ARPC2: variants seen among roughly 807,000 people sequenced by gnomAD.
ARPC2 encodes actin related protein 2/3 complex subunit 2, also known as actin-related protein 2/3 complex subunit 2.
Under a neutral mutation model 38.6 loss-of-function variants are expected in ARPC2, and 4 were observed. The observed-to-expected ratio is 0.10, with a 90% confidence interval of 0.05 to 0.24. The LOEUF (loss-of-function observed/expected upper bound fraction) is 0.24. Among genes scored for constraint, ARPC2 ranks in the 10% least tolerant of loss-of-function variants. The probability of loss-of-function intolerance (pLI) is 1.00; values close to 1 mark genes in which losing one functional copy is unlikely to be tolerated. For missense variants in ARPC2, 229 were observed against 387.3 expected (o/e 0.59, Z 3.43); for synonymous variants, 125 against 140.8 (o/e 0.89, Z 0.79).
At chr2:218,234,228 C>A in intron 4 of ARPC2, 124 bp from the exon 5 acceptor site, 1 of 694,334 alleles carries the variant, frequency 1.4e-6, no homozygotes, top group South Asian at 2.1e-5. Context: ...TCCCATCCAC[C>A]AAATGAAAGT....
rs554931419 is a variant in ARPC2, at chr2:218,252,223, C to CA, written c.879-1658dup. ...GAGCAACAAGAGCGAAACTCCATCTCAAAAAAAAAAGCACTTTTTAAGTCA... is the reference window on the plus strand; with the variant it reads ...GAGCAACAAGAGCGAAACTCCATCTCAAAAAAAAAAAGCACTTTTTAAGTCA... On this transcript the variant is annotated intron_variant, in intron 10 of 10. Coordinates refer to ENST00000315717, the MANE Select transcript of ARPC2 (RefSeq NM_152862.3). Among the ~76,000 whole-genome samples the CA allele has an allele frequency of 1.3e-4, 19 of 147,360 alleles. No individual in the cohort carries two copies. The South Asian group carries it at 1.9e-3, about 15-fold the overall frequency.
At position 218,249,349 on chromosome 2, in the gene ARPC2, GTC is replaced by G. The variant is rs777303160; in HGVS notation, c.677-13_677-12del. On this transcript the variant is annotated splice_polypyrimidine_tract_variant and intron_variant, in intron 8 of 10. Transcript: ENST00000315717. The stretch of plus-strand genomic sequence containing the variant: ...TGTCGTGTCCTGACGCCTTGTTTGT[GTC>G]TTCCGCCTTCAGTGCTGTTCCCTCG... The G allele has an allele frequency of 5.0e-6, 8 of 1,595,758 alleles. No homozygotes were observed. The highest frequency in any genetic ancestry group is 1.7e-4 in the Middle Eastern group (1 of 6,052).
intron 5 of ARPC2, among the ~76,000 whole-genome samples, chr2:218,237,693 A>G (rs979660422): frequency 1.3e-5 from 2 of 151,826 alleles, no homozygotes; most frequent in African/African-American, 4.8e-5. Flanking sequence ...CAGCCTCCCA[A>G]GTAGCTAGGA....
At chr2:218,248,914 T>C (rs1314862391) in intron 8 of ARPC2, among the ~76,000 whole-genome samples, 1 of 152,238 alleles carries the variant, frequency 6.6e-6, no homozygotes, top group East Asian at 1.9e-4. Flanking sequence ...CTCTGGCATC[T>C]GTTTTCTGGG....
chr2:218,222,152 A>T (rs920081040), intron 2 of ARPC2, among the ~76,000 whole-genome samples: 1 of 152,182 alleles, frequency 6.6e-6, no homozygotes, highest in Non-Finnish European at 1.5e-5. Context: ...CTGTAATCCC[A>T]GCTACTCAGG....
chr2:218,245,898 G>A (rs372434826), intron 8 of ARPC2, among the ~76,000 whole-genome samples: 9 of 152,174 alleles, frequency 5.9e-5, no homozygotes, highest in African/African-American at 1.9e-4. Flanking sequence ...TAGGTTGCTG[G>A]TTCGATTCCA....
intron 3 of ARPC2, among the ~76,000 whole-genome samples, chr2:218,228,295 CG>C (rs1014687305): frequency 2.0e-5 from 3 of 151,728 alleles, no homozygotes; most frequent in African/African-American, 7.3e-5. Flanking sequence ...CCCAGCTACT[CG>C]GGAGGCTGAG....
At chr2:218,230,540 C>T (rs1481591699) in intron 4 of ARPC2, among the ~76,000 whole-genome samples, 1 of 152,102 alleles carries the variant, frequency 6.6e-6, no homozygotes, top group Non-Finnish European at 1.5e-5. Context: ...CTCAAGCAGT[C>T]CTCCTTCCTG....
intron 3 of ARPC2, chr2:218,226,864 G>C (rs1243730325): frequency 4.1e-6 from 1 of 244,328 alleles, no homozygotes; most frequent in Admixed American, 4.5e-5. Context: ...GTAGCTGTCA[G>C]TCTTAGTTTG....
chr2:218,221,205 T>C (rs1295213448), intron 2 of ARPC2, among the ~76,000 whole-genome samples: 1 of 152,134 alleles, frequency 6.6e-6, no homozygotes, highest in East Asian at 1.9e-4. Context: ...CCACAGCCAG[T>C]GTATATTGCG....
chr2:218,246,247 G>A (rs988012378), intron 8 of ARPC2, among the ~76,000 whole-genome samples: 1 of 151,788 alleles, frequency 6.6e-6, no homozygotes, highest in Non-Finnish European at 1.5e-5. Context: ...TTGAGGCTGG[G>A]TGCGGTGTCT....
rs1053973390 is a variant in ARPC2, at chr2:218,220,344, A to G, written c.74+2800A>G. On this transcript the variant is annotated intron_variant, in intron 2 of 10. Coordinates refer to ENST00000315717, the MANE Select transcript of ARPC2 (RefSeq NM_152862.3). ...CTCTGTGATGTCCAATAAGATAGCC[A>G]TACAAAGTGGCTGGCTAAATTTAAG... is the stretch of plus-strand genomic sequence containing the variant. Among the ~76,000 whole-genome samples, 6 of 152,220 alleles carry G rather than the reference A, an allele frequency of 3.9e-5. No individual in the cohort carries two copies. In the South Asian group the frequency reaches 8.3e-4, roughly 21 times the overall value.
chr2:218,240,069 C>T (rs906192160), intron 7 of ARPC2, among the ~76,000 whole-genome samples: 2 of 152,122 alleles, frequency 1.3e-5, no homozygotes, highest in African/African-American at 2.4e-5. Flanking sequence ...ATTTTCCTGC[C>T]TCAGCCTCCC....
At chr2:218,247,172 G>A (rs1277154126) in intron 8 of ARPC2, among the ~76,000 whole-genome samples, 1 of 152,164 alleles carries the variant, frequency 6.6e-6, no homozygotes, top group South Asian at 2.1e-4. Context: ...GCTAGATGGG[G>A]GTTCTCTGTC....
At chr2:218,246,450 G>A (rs6720560) in intron 8 of ARPC2, among the ~76,000 whole-genome samples, 151,924 of 152,262 alleles carry the variant, frequency 1, 75,795 homozygotes, top group East Asian at 1. Flanking sequence ...GAATCCCTTG[G>A]ACCCAGGAGG....
In ARPC2 at chr2:218,227,593, A is replaced by AT. The variant is rs113665206; in HGVS notation, c.110-1131dup. Among the ~76,000 whole-genome samples the AT allele has an allele frequency of 7.0e-3, 926 of 132,202 alleles. 6 individuals carry two copies. Among genetic ancestry groups the AT allele is most frequent in the South Asian group, 0.023 (96 of 4,202 alleles). The allele number at this position is 132,202 out of a possible 152,430, so 86.7% of individuals were successfully genotyped here. On this transcript the variant is annotated intron_variant, in intron 3 of 10. Transcript: ENST00000315717. ...AGATCTCCACCACCACACCCGGCTA[A>AT]TTTTTTTTTTTTTTCCAGACAGCGT...
chr2:218,249,853 G>A lies in ARPC2; in HGVS notation c.810G>A (p.Thr270=), dbSNP rs761702287. 26 of 1,613,754 alleles carry A rather than the reference G, an allele frequency of 1.6e-5. No homozygotes were observed. Among genetic ancestry groups the A allele is most frequent in the African/African-American group, 1.1e-4 (8 of 74,894 alleles). The change falls in exon 10 of 11, where the codon ACG becomes ACA. Residue 270 remains threonine, a synonymous_variant. Transcript: ENST00000315717. ...AYIHTRMRAK[T]SDFLKVLNRA... Reference sequence around the variant, plus strand: ...TTCACACACGTATGCGGGCGAAAACGTCTGACTTCCTCAAGGTGCTGAACC... The same window carrying A: ...TTCACACACGTATGCGGGCGAAAACATCTGACTTCCTCAAGGTGCTGAACC...
intron 2 of ARPC2, 50 bp from the exon 3 acceptor site, chr2:218,225,870 T>C: frequency 6.3e-7 from 1 of 1,593,750 alleles, no homozygotes; most frequent in Non-Finnish European, 8.6e-7. Context: ...CCTTTGAAGG[T>C]AAGCAGCAAT....
At chr2:218,250,526 G>A (rs953221286) in intron 10 of ARPC2, among the ~76,000 whole-genome samples, 2 of 152,094 alleles carry the variant, frequency 1.3e-5, no homozygotes, top group Admixed American at 6.5e-5. Context: ...TTAGCCGGTC[G>A]TGGTGGCAGG....
Sources: gnomAD v4.1 joint callset for allele counts (sites outside exome capture counted in the v4.1 genomes callset) on GRCh38, gnomAD v4.1.1 for gene constraint, MANE v1.5 for transcripts, NCBI Gene and HGNC (gene_info 2026-07-23, HGNC 2026-07-21) for gene names.